Variants in SPRED1 observed in about 807,000 individuals in gnomAD.
SPRED1 encodes sprouty-related, EVH1 domain-containing protein 1.
A neutral mutation model predicts 52.3 loss-of-function variants in SPRED1; 18 were observed. That is an observed-to-expected ratio of 0.34 (90% CI 0.24 to 0.51). SPRED1 has a LOEUF of 0.51. Ranked by LOEUF, SPRED1 falls within the 20% of genes least tolerant of loss-of-function variation. SPRED1 has a pLI of 0.97. For missense variants in SPRED1, 485 were observed against 551.0 expected, an observed-to-expected ratio of 0.88 and a Z score of 1.20; for synonymous variants, 155 against 179.7, an observed-to-expected ratio of 0.86 and a Z score of 1.10.
chr15:38,339,529 G>A (rs1895988164), intron 4 of SPRED1, among the ~76,000 whole-genome samples: 2 of 152,234 alleles, frequency 1.3e-5, no homozygotes, highest in Non-Finnish European at 2.9e-5. Context: ...TTCTCGTGAA[G>A]TTGAATTTTT....
At chr15:38,298,443 T>C (rs1895080990) in intron 1 of SPRED1, 2 of 269,232 alleles carry the variant, frequency 7.4e-6, no homozygotes, top group Admixed American at 1.1e-4. Flanking sequence ...ACTAGAAAAA[T>C]CCAAATGCCT....
At chr15:38,325,080 C>T (rs373872861) in intron 4 of SPRED1, among the ~76,000 whole-genome samples, 6 of 151,966 alleles carry the variant, frequency 3.9e-5, no homozygotes, top group East Asian at 3.9e-4. Flanking sequence ...TGAAGCAACC[C>T]ACCCACCTCC....
chr15:38,291,813 G>T (rs1894929667), intron 1 of SPRED1, among the ~76,000 whole-genome samples: 1 of 152,144 alleles, frequency 6.6e-6, no homozygotes, highest in Admixed American at 6.5e-5. Context: ...TTTCCTCCTG[G>T]GCCTCTGGGC....
At chr15:38,291,460 G>A (rs957155960) in intron 1 of SPRED1, among the ~76,000 whole-genome samples, 3 of 152,254 alleles carry the variant, frequency 2.0e-5, no homozygotes, top group Admixed American at 6.5e-5. Flanking sequence ...TAGGGACTCT[G>A]TGTCGGGGCT....
At chr15:38,277,452 A>T (rs1015960797) in intron 1 of SPRED1, among the ~76,000 whole-genome samples, 1 of 152,172 alleles carries the variant, frequency 6.6e-6, no homozygotes, top group African/African-American at 2.4e-5. Flanking sequence ...ACATGATCTC[A>T]TTCCTTTTTA....
intron 1 of SPRED1, among the ~76,000 whole-genome samples, chr15:38,257,447 G>A (rs1381360901): frequency 6.6e-6 from 1 of 151,966 alleles, no homozygotes; most frequent in African/African-American, 2.4e-5. Flanking sequence ...ATTATTACCC[G>A]TTTAAGAAGG....
rs886051102 is a variant in SPRED1 at position 38,253,034 on chromosome 15, C to T, written c.-152C>T. 8.0e-5 allele frequency: 57 copies of T among 708,472 alleles called. No homozygotes were observed. In the Admixed American group the frequency reaches 1.1e-3, roughly 14 times the overall value. 43.9% of individuals were successfully genotyped at this position (708,472 alleles called of 1,614,324 possible). ...CCGGGGTTCCCGGCTGGGGGGGTAC[C>T]GTTCTGGGTGAGGCATCCACCATGG... On this transcript the variant is annotated 5_prime_UTR_variant, in exon 1 of 7. Transcript: ENST00000299084.
At chr15:38,303,197 A>G (rs981897065) in intron 2 of SPRED1, among the ~76,000 whole-genome samples, 2 of 151,706 alleles carry the variant, frequency 1.3e-5, no homozygotes, top group South Asian at 2.1e-4. Context: ...AAAAAAAAAG[A>G]AAAGAAAGTC....
chr15:38,278,825 ACT>A (rs1894619115), intron 1 of SPRED1, among the ~76,000 whole-genome samples: 1 of 41,938 alleles, frequency 2.4e-5, no homozygotes, highest in African/African-American at 5.9e-5. Context: ...ACCTAACTAC[ACT>A]GTTTTTTTTT....
intron 5 of SPRED1, among the ~76,000 whole-genome samples, 181 bp downstream of exon 5, chr15:38,340,076 T>C (rs1006889037): frequency 3.3e-5 from 5 of 152,064 alleles, no homozygotes; most frequent in Non-Finnish European, 7.4e-5. Flanking sequence ...AGTGAAACAA[T>C]AAACATATAC....
intron 5 of SPRED1, among the ~76,000 whole-genome samples, chr15:38,349,210 A>G (rs1403228174): frequency 6.6e-6 from 1 of 152,150 alleles, no homozygotes; most frequent in Non-Finnish European, 1.5e-5. Flanking sequence ...TTGACTATGT[A>G]TTCATTACTT....
intron 1 of SPRED1, among the ~76,000 whole-genome samples, chr15:38,285,934 T>C (rs1218226563): frequency 6.6e-6 from 1 of 152,186 alleles, no homozygotes; most frequent in Non-Finnish European, 1.5e-5. Flanking sequence ...ATTCATGCCC[T>C]TTATACCCTT....
chr15:38,330,201 G>T (rs1304089971), intron 4 of SPRED1, among the ~76,000 whole-genome samples: 1 of 151,714 alleles, frequency 6.6e-6, no homozygotes, highest in Non-Finnish European at 1.5e-5. Context: ...TTCTTCTGTT[G>T]AATAAGCCAG....
chr15:38,335,124 T>G (rs890536889), intron 4 of SPRED1, among the ~76,000 whole-genome samples: 1 of 152,066 alleles, frequency 6.6e-6, no homozygotes, highest in African/African-American at 2.4e-5. Context: ...AAATTGGGCT[T>G]TATCTTGTGA....
intron 2 of SPRED1, among the ~76,000 whole-genome samples, chr15:38,301,788 A>G (rs903709083): frequency 6.6e-6 from 1 of 152,140 alleles, no homozygotes; most frequent in African/African-American, 2.4e-5. Flanking sequence ...TGAGATCACT[A>G]ATGTTCATTT....
intron 1 of SPRED1, among the ~76,000 whole-genome samples, chr15:38,255,792 C>T (rs1378219480): frequency 1.4e-5 from 2 of 145,758 alleles, no homozygotes; most frequent in African/African-American, 2.5e-5. Flanking sequence ...ACATTTTTTT[C>T]CCTTTTCTCT....
At chr15:38,298,539 A>G (rs769548623) in intron 1 of SPRED1, 4 of 313,568 alleles carry the variant, frequency 1.3e-5, no homozygotes, top group Non-Finnish European at 2.4e-5. Flanking sequence ...GGTACACAAA[A>G]CAACATGAGA....
intron 5 of SPRED1, among the ~76,000 whole-genome samples, 161 bp downstream of exon 5, chr15:38,340,056 C>A (rs1339032260): frequency 6.6e-6 from 1 of 152,104 alleles, no homozygotes; most frequent in African/African-American, 2.4e-5. Context: ...TTATAATGAG[C>A]CAAATCCAGA....
At position 38,282,134 on chromosome 15, in the gene SPRED1, A is replaced by C. The variant is rs938181699; in HGVS notation, c.33-17239A>C. The stretch of plus-strand genomic sequence containing the variant: ...TACTCCATGCATGTTCCATAAATAC[A>C]TCTTTCTGGGAATGAGTGTTGGTTG... On this transcript the variant is annotated intron_variant, in intron 1 of 6. Coordinates refer to ENST00000299084, the MANE Select transcript of SPRED1 (RefSeq NM_152594.3). Among the ~76,000 whole-genome samples the C allele has an allele frequency of 2.6e-5, 4 of 152,154 alleles. No homozygotes were observed. In the South Asian group the frequency reaches 6.2e-4, roughly 24 times the overall value.
Sources: gnomAD v4.1 joint callset for allele counts (sites outside exome capture counted in the v4.1 genomes callset) on GRCh38, gnomAD v4.1.1 for gene constraint, MANE v1.5 for transcripts, NCBI Gene and HGNC (gene_info 2026-07-23, HGNC 2026-07-21) for gene names.